CEP83: variants seen among roughly 807,000 people sequenced by gnomAD.
CEP83 encodes centrosomal protein 83.
In CEP83, 70 loss-of-function variants were observed where a neutral mutation model predicts 101.9. The observed-to-expected ratio is 0.69, with a 90% CI of 0.57 to 0.84. The LOEUF (loss-of-function observed/expected upper bound fraction) is 0.84, where lower values mean the gene tolerates loss of function less well. Among genes scored for constraint, CEP83 ranks in the 40% least tolerant of loss-of-function variants. The probability of loss-of-function intolerance (pLI) is 0.00; values close to 1 mark genes in which losing one functional copy is unlikely to be tolerated. For synonymous variants in CEP83, 264 were observed against 267.9 expected (o/e 0.99, Z 0.14); for missense variants, 715 against 787.2 (o/e 0.91, Z 1.10).
rs1343015120 is a variant in CEP83 at position 94,308,763 on chromosome 12, T to C, written c.*50A>G. 4.8e-6 allele frequency: 6 copies of C among 1,250,102 alleles called. No individual in the cohort carries two copies. Among genetic ancestry groups the C allele is most frequent in the Non-Finnish European group, 7.0e-6 (6 of 853,190 alleles). The allele number at this position is 1,250,102 out of a possible 1,614,324, so 77.4% of individuals were successfully genotyped here. ...TGCCACAGGTTAAAATGTCAAGTTT[T>C]ACTGAGTCACCAACTTCACCTCTTT... On this transcript the variant is annotated 3_prime_UTR_variant, in exon 17 of 17. Coordinates refer to ENST00000397809, the MANE Select transcript of CEP83 (RefSeq NM_016122.3).
At chr12:94,398,379 G>C (rs1454497968) in intron 6 of CEP83, among the ~76,000 whole-genome samples, 1 of 152,116 alleles carries the variant, frequency 6.6e-6, no homozygotes, top group East Asian at 1.9e-4. Context: ...CAAATGGAGG[G>C]ACCGGCTGGA....
chr12:94,356,903 G>A (rs1020021761), intron 11 of CEP83, among the ~76,000 whole-genome samples: 10 of 152,146 alleles, frequency 6.6e-5, no homozygotes, highest in Admixed American at 2.0e-4. Flanking sequence ...TGGCGGCTGG[G>A]CTGGTTTAGA....
chr12:94,278,460 C>T, the CEP83 span, among the ~76,000 whole-genome samples: 1 of 152,214 alleles, frequency 6.6e-6, no homozygotes, highest in Non-Finnish European at 1.5e-5. Flanking sequence ...TCTGTGTTTT[C>T]ACACGTGCAC....
intron 11 of CEP83, among the ~76,000 whole-genome samples, chr12:94,349,436 C>A (rs904160835): frequency 7.9e-5 from 12 of 152,120 alleles, no homozygotes; most frequent in African/African-American, 2.7e-4. Flanking sequence ...CCTAGTTACA[C>A]TGATTTAAAA....
intron 13 of CEP83, among the ~76,000 whole-genome samples, chr12:94,333,118 T>A (rs2059306087): frequency 6.7e-6 from 1 of 150,142 alleles, no homozygotes; most frequent in Non-Finnish European, 1.5e-5. Context: ...TTCAAGGAAT[T>A]AAGTTTTGCA....
intron 6 of CEP83, among the ~76,000 whole-genome samples, chr12:94,381,454 A>G (rs371614921): frequency 6.6e-6 from 1 of 152,200 alleles, no homozygotes; most frequent in South Asian, 2.1e-4. Context: ...TACTTTTTAA[A>G]AAGTTATTGA....
rs202183859 is a variant in CEP83, at chr12:94,343,326, ATT to A, written c.1344-7664_1344-7663del. Reference sequence around the variant, plus strand: ...CAGCACCGTGAGACTGTCGCCTTAAATTTTTTGCACCCTGGGTGCCTCAATTG... The same window carrying A: ...CAGCACCGTGAGACTGTCGCCTTAAATTTTGCACCCTGGGTGCCTCAATTG... On this transcript the variant is annotated intron_variant, in intron 11 of 16. Coordinates refer to ENST00000397809, the MANE Select transcript of CEP83 (RefSeq NM_016122.3). Among the ~76,000 whole-genome samples the A allele has an allele frequency of 7.9e-4, 120 of 152,084 alleles. 1 individual carries two copies. The East Asian group carries it at 0.022, about 28-fold the overall frequency.
chr12:94,416,549 C>CAT (rs2064279051), intron 2 of CEP83, among the ~76,000 whole-genome samples: 1 of 90,400 alleles, frequency 1.1e-5, no homozygotes, highest in Admixed American at 1.1e-4. Context: ...ATCCAAATAC[C>CAT]ATACACACAC....
At chr12:94,455,750 A>G (rs1462520347) in intron 1 of CEP83, among the ~76,000 whole-genome samples, 2 of 152,206 alleles carry the variant, frequency 1.3e-5, no homozygotes, top group African/African-American at 4.8e-5. Context: ...TAGCTCAGTT[A>G]AAAGAAATAG....
In CEP83 at chr12:94,412,492, TA is replaced by T; in HGVS notation, c.-3del. On this transcript the variant is annotated 5_prime_UTR_variant, in exon 3 of 17. Transcript: ENST00000397809. ...ATCGGTAAATGTGCTGACAACCATGTAAAAATAAGTTTTGGCTTTCTTACTG... is the reference window on the plus strand; with the variant it reads ...ATCGGTAAATGTGCTGACAACCATGTAAAATAAGTTTTGGCTTTCTTACTG... The T allele has an allele frequency of 6.2e-7, 1 of 1,610,202 alleles. No homozygotes were observed. The highest frequency in any genetic ancestry group is 8.5e-7 in the Non-Finnish European group (1 of 1,178,718).
At chr12:94,400,695 G>T (rs1302370796) in intron 6 of CEP83, among the ~76,000 whole-genome samples, 155 bp downstream of exon 6, 1 of 149,030 alleles carries the variant, frequency 6.7e-6, no homozygotes, top group East Asian at 2.1e-4. Flanking sequence ...CAAAAAAACT[G>T]TTGATACGAA....
the CEP83 span, among the ~76,000 whole-genome samples, chr12:94,269,730 A>T: frequency 6.6e-6 from 1 of 152,262 alleles, no homozygotes; most frequent in Non-Finnish European, 1.5e-5. Flanking sequence ...GTTAATTAAC[A>T]ATTCTTGAGC....
chr12:94,362,946 C>A (rs2060843281), intron 11 of CEP83, among the ~76,000 whole-genome samples: 1 of 152,218 alleles, frequency 6.6e-6, no homozygotes, highest in Admixed American at 6.5e-5. Flanking sequence ...AAGATATATA[C>A]TGCATGTTCT....
chr12:94,395,609 G>A (rs1051793064), intron 6 of CEP83, among the ~76,000 whole-genome samples: 1 of 152,218 alleles, frequency 6.6e-6, no homozygotes, highest in African/African-American at 2.4e-5. Flanking sequence ...AGATCATGAG[G>A]TCAGGAGATC....
intron 4 of CEP83, among the ~76,000 whole-genome samples, chr12:94,405,145 T>C (rs1189185858): frequency 6.6e-6 from 1 of 152,098 alleles, no homozygotes; most frequent in Non-Finnish European, 1.5e-5. Flanking sequence ...TAAGATGAGG[T>C]AGCAATTAAA....
chr12:94,404,103 A>G (rs2063406126), intron 4 of CEP83, among the ~76,000 whole-genome samples: 1 of 152,154 alleles, frequency 6.6e-6, no homozygotes, highest in Non-Finnish European at 1.5e-5. Context: ...AATTCCTACA[A>G]CAATGCCACA....
chr12:94,407,306 T>C (rs951335277), intron 4 of CEP83, among the ~76,000 whole-genome samples: 15 of 151,682 alleles, frequency 9.9e-5, no homozygotes, highest in African/African-American at 3.6e-4. Flanking sequence ...ACTACAGATA[T>C]AAAAAAAACT....
chr12:94,347,462 A>C (rs1247645506), intron 11 of CEP83, among the ~76,000 whole-genome samples: 3 of 152,176 alleles, frequency 2.0e-5, no homozygotes, highest in Non-Finnish European at 2.9e-5. Flanking sequence ...GGAATGAAAA[A>C]ACTTCTCAAG....
chr12:94,442,123 G>GTA (rs59002424), intron 1 of CEP83, among the ~76,000 whole-genome samples: 20,450 of 150,158 alleles, frequency 0.14, 1,436 homozygotes, highest in Non-Finnish European at 0.15. Context: ...AATGTGGTAG[G>GTA]TATATATATA....
Sources: gnomAD v4.1 joint callset for allele counts (sites outside exome capture counted in the v4.1 genomes callset) on GRCh38, gnomAD v4.1.1 for gene constraint, MANE v1.5 for transcripts, NCBI Gene and HGNC (gene_info 2026-07-23, HGNC 2026-07-21) for gene names.